Variants in COPS4 observed in about 807,000 individuals in gnomAD.
The protein encoded by COPS4 is COP9 signalosome complex subunit 4.
Under a neutral mutation model 55.1 loss-of-function variants are expected in COPS4, and 8 were observed. The observed-to-expected ratio is 0.15, with a 90% CI of 0.09 to 0.26. The LOEUF is 0.26. Among genes scored for constraint, COPS4 ranks in the 10% least tolerant of loss-of-function variants. COPS4 has a pLI of 1.00. For synonymous variants in COPS4, 185 were observed against 165.7 expected (o/e 1.12, Z -0.90); for missense variants, 248 against 484.0 (o/e 0.51, Z 4.58).
chr4:83,063,381 A>G (rs1287322896), intron 7 of COPS4, 135 bp downstream of exon 7: 12 of 628,376 alleles, frequency 1.9e-5, no homozygotes, highest in Non-Finnish European at 2.8e-5. Context: ...AATTGTTTTT[A>G]TTTAAAATTT....
intron 3 of COPS4, 71 bp downstream of exon 3, chr4:83,049,388 A>C: frequency 2.2e-6 from 3 of 1,341,604 alleles, no homozygotes; most frequent in Non-Finnish European, 3.1e-6. Context: ...ATATTAGTAA[A>C]TTCTTAAAGG....
chr4:83,065,089 G>A (rs1285602767), intron 7 of COPS4: 2 of 682,820 alleles, frequency 2.9e-6, no homozygotes, highest in African/African-American at 3.6e-5. Context: ...TGCCCAGGCT[G>A]GTCTTGAACT....
intron 1 of COPS4, 21 bp downstream of exon 1, chr4:83,035,319 C>G (rs374930998): frequency 3.9e-6 from 6 of 1,522,988 alleles, no homozygotes; most frequent in Non-Finnish European, 5.3e-6. Context: ...CCCAGGAACG[C>G]GGGAGTACAG....
At chr4:83,073,911 C>T (rs1465890172) in intron 9 of COPS4, among the ~76,000 whole-genome samples, 2 of 151,112 alleles carry the variant, frequency 1.3e-5, no homozygotes, top group Admixed American at 6.6e-5. Context: ...GAGCTGATAT[C>T]GCGCCACTGC....
intron 1 of COPS4, among the ~76,000 whole-genome samples, chr4:83,042,046 G>A (rs1730581716): frequency 1.3e-5 from 2 of 150,960 alleles, no homozygotes; most frequent in African/African-American, 4.9e-5. Flanking sequence ...TGTATTTTTA[G>A]TAGAGATGAG....
rs896448185 is a variant in COPS4 at position 83,074,457 on chromosome 4, A to G, written c.1088-840A>G. ...TTAGTTTTATTAGCCAAGATTTTTT[A>G]GAGGTTTTTTTTTTTTTTTTTGGAG... On this transcript the variant is annotated intron_variant, in intron 9 of 9. Coordinates refer to ENST00000264389, the MANE Select transcript of COPS4 (RefSeq NM_016129.3). Among the ~76,000 whole-genome samples the G allele has an allele frequency of 7.3e-4, 106 of 146,114 alleles. 1 individual carries two copies. The highest frequency in any genetic ancestry group is 2.7e-3 in the African/African-American group (104 of 38,436).
chr4:83,062,660 G>A (rs574960383), intron 6 of COPS4, among the ~76,000 whole-genome samples: 3 of 152,318 alleles, frequency 2.0e-5, no homozygotes, highest in East Asian at 1.9e-4. Context: ...GTGCTGAAGC[G>A]CTGTCTGGGG....
intron 1 of COPS4, among the ~76,000 whole-genome samples, chr4:83,037,937 A>G (rs1242567485): frequency 6.6e-6 from 1 of 152,214 alleles, no homozygotes; most frequent in Non-Finnish European, 1.5e-5. Flanking sequence ...TTTTCTTGTT[A>G]AAAACTCAGT....
At chr4:83,059,314 A>G (rs987502273) in intron 6 of COPS4, among the ~76,000 whole-genome samples, 1 of 152,058 alleles carries the variant, frequency 6.6e-6, no homozygotes, top group African/African-American at 2.4e-5. Flanking sequence ...ACTTGCTTAG[A>G]CAAGTCTTCC....
intron 9 of COPS4, 42 bp downstream of exon 9, chr4:83,068,564 G>A (rs749741372): frequency 5.0e-6 from 6 of 1,204,350 alleles, no homozygotes; most frequent in Middle Eastern, 1.9e-4. Flanking sequence ...AAATAGCAGT[G>A]AACTGTTATA....
At chr4:83,044,444 C>CAAA (rs35654094) in intron 1 of COPS4, among the ~76,000 whole-genome samples, 2 of 59,964 alleles carry the variant, frequency 3.3e-5, no homozygotes, top group Non-Finnish European at 6.4e-5. Context: ...GACTCCATCT[C>CAAA]AAAAAAAAAA....
chr4:83,061,718 T>G (rs1357250301), intron 6 of COPS4, among the ~76,000 whole-genome samples: 1 of 152,172 alleles, frequency 6.6e-6, no homozygotes, highest in African/African-American at 2.4e-5. Context: ...TGTCTTTTTT[T>G]TTTTTTTAGA....
chr4:83,035,504 A>G (rs1730394596), intron 1 of COPS4: 11 of 398,574 alleles, frequency 2.8e-5, no homozygotes, highest in South Asian at 2.0e-4. Flanking sequence ...TCGAGGCTAT[A>G]GACTTGAAAT....
intron 4 of COPS4, among the ~76,000 whole-genome samples, chr4:83,054,502 A>G (rs980611793): frequency 2.0e-5 from 3 of 152,214 alleles, no homozygotes; most frequent in African/African-American, 7.2e-5. Flanking sequence ...ATTATTTATG[A>G]AATTACTTGG....
intron 1 of COPS4, among the ~76,000 whole-genome samples, chr4:83,044,499 C>A (rs1042262428): frequency 1.4e-5 from 2 of 141,086 alleles, no homozygotes; most frequent in Non-Finnish European, 3.1e-5. Flanking sequence ...TAGTATAGGC[C>A]GGGCACGGTG....
chr4:83,064,461 T>C (rs1481562933), intron 7 of COPS4, among the ~76,000 whole-genome samples: 1 of 152,212 alleles, frequency 6.6e-6, no homozygotes, highest in East Asian at 1.9e-4. Flanking sequence ...TCCAGAACTT[T>C]TACATTTTCC....
chr4:83,035,731 GT>G, intron 1 of COPS4: 1 of 164,290 alleles, frequency 6.1e-6, no homozygotes, highest in Non-Finnish European at 1.3e-5. Flanking sequence ...TTGATGCTGC[GT>G]TTTTCGGGGA....
intron 9 of COPS4, among the ~76,000 whole-genome samples, chr4:83,070,849 C>T (rs1201850543): frequency 6.6e-6 from 1 of 152,156 alleles, no homozygotes; most frequent in African/African-American, 2.4e-5. Context: ...ATGTCTTCCC[C>T]ATTGCTTGTA....
intron 4 of COPS4, among the ~76,000 whole-genome samples, chr4:83,055,281 A>T (rs1413031818): frequency 3.3e-5 from 5 of 152,246 alleles, no homozygotes; most frequent in African/African-American, 4.8e-5. Flanking sequence ...GATGAAGAAG[A>T]AAATGAAAGC....
Sources: gnomAD v4.1 joint callset for allele counts (sites outside exome capture counted in the v4.1 genomes callset) on GRCh38, gnomAD v4.1.1 for gene constraint, MANE v1.5 for transcripts, NCBI Gene and HGNC (gene_info 2026-07-23, HGNC 2026-07-21) for gene names.